The following ITGA8 variants were observed in gnomAD, a reference collection of about 807,000 sequenced individuals.
ITGA8 encodes the protein integrin subunit alpha 8.
In ITGA8, 91 loss-of-function variants were observed where a neutral mutation model predicts 142.3. The ratio of observed to expected loss-of-function variants is 0.64; its 90% confidence interval spans 0.54 to 0.76. ITGA8 has a LOEUF of 0.76. Among genes scored for constraint, ITGA8 ranks in the 30% least tolerant of loss-of-function variants. The pLI is 0.00. For missense variants in ITGA8, 1,406 were observed against 1,327.7 expected (o/e 1.06, Z -0.92); for synonymous variants, 505 against 485.2 (o/e 1.04, Z -0.54).
At chr10:15,585,154 GA>G (rs920014155) in intron 23 of ITGA8, among the ~76,000 whole-genome samples, 5 of 152,108 alleles carry the variant, frequency 3.3e-5, no homozygotes, top group Non-Finnish European at 7.4e-5. Context: ...GGTTTGAATG[GA>G]AAAAAATTAG....
intron 27 of ITGA8, among the ~76,000 whole-genome samples, chr10:15,532,148 C>T (rs193102231): frequency 8.6e-5 from 13 of 151,796 alleles, no homozygotes; most frequent in Admixed American, 6.6e-4. Context: ...TCAAAGATGC[C>T]GGCCGGGCGT....
chr10:15,691,430 T>C (rs1033904445), intron 2 of ITGA8, among the ~76,000 whole-genome samples: 3 of 152,188 alleles, frequency 2.0e-5, no homozygotes, highest in African/African-American at 7.2e-5. Flanking sequence ...AGCCAAGATA[T>C]GGGATCATCT....
intron 13 of ITGA8, among the ~76,000 whole-genome samples, chr10:15,625,478 G>A (rs1833565208): frequency 6.6e-6 from 1 of 152,052 alleles, no homozygotes; most frequent in South Asian, 2.1e-4. Context: ...CCTGGAGGAA[G>A]GTTTATTTCT....
At chr10:15,700,447 T>C (rs930586084) in intron 2 of ITGA8, among the ~76,000 whole-genome samples, 2 of 152,230 alleles carry the variant, frequency 1.3e-5, no homozygotes, top group African/African-American at 4.8e-5. Flanking sequence ...CTTCCCACAG[T>C]GCTTCACTTG....
At chr10:15,575,086 T>C (rs1834258978) in intron 24 of ITGA8, among the ~76,000 whole-genome samples, 1 of 152,152 alleles carries the variant, frequency 6.6e-6, no homozygotes, top group Non-Finnish European at 1.5e-5. Flanking sequence ...AGGCAGTATA[T>C]ACAGCTCGGA....
In ITGA8 at chr10:15,622,639, CA is replaced by C. The variant is rs1218359177; in HGVS notation, c.1400-6081del. On this transcript the variant is annotated intron_variant, in intron 13 of 29. Coordinates refer to ENST00000378076, the MANE Select transcript of ITGA8 (RefSeq NM_003638.3). ...CACATGAGCAAGGCTGAAAGAGAAACAAAAGCAACAGGGTGAAATGTTTATA... is the reference window on the plus strand; with the variant it reads ...CACATGAGCAAGGCTGAAAGAGAAACAAAGCAACAGGGTGAAATGTTTATA... Among the ~76,000 whole-genome samples, 3 of 151,402 alleles carry C rather than the reference CA, an allele frequency of 2.0e-5. No individual in the cohort carries two copies. The East Asian group carries it at 5.8e-4, about 29-fold the overall frequency.
At position 15,719,659 on chromosome 10, in the gene ITGA8, G is replaced by A; in HGVS notation, c.113C>T (p.Ala38Val). 2 of 1,517,460 alleles carry A rather than the reference G, an allele frequency of 1.3e-6. No individual in the cohort carries two copies. The highest frequency in any genetic ancestry group is 1.7e-6 in the Non-Finnish European group (2 of 1,143,044). 94.0% of individuals were successfully genotyped at this position (1,517,460 alleles called of 1,614,324 possible). ...GAGCTTTTCCACGTCCAGGTTGAAC[G>A]CCTGACAGGCGGGGGACCACAGCAA... Reference protein sequence around the residue: ...GMLLWSPACQAFNLDVEKLTV... With the variant: ...GMLLWSPACQVFNLDVEKLTV... Residue 38 changes from alanine (A) to valine (V), a missense_variant, in exon 1 of 30, where the codon GCG (alanine) becomes GTG (valine). Physicochemically the swap from Ala to Val is moderately conservative, Grantham distance 64. Coordinates refer to ENST00000378076, the MANE Select transcript of ITGA8 (RefSeq NM_003638.3).
At chr10:15,684,827 G>A (rs1443258166) in intron 3 of ITGA8, among the ~76,000 whole-genome samples, 2 of 152,144 alleles carry the variant, frequency 1.3e-5, no homozygotes, top group Non-Finnish European at 2.9e-5. Flanking sequence ...TGTCTTATGA[G>A]AACAAGTTCC....
At chr10:15,572,070 A>G in intron 25 of ITGA8, 141 bp downstream of exon 25, 1 of 572,468 alleles carries the variant, frequency 1.7e-6, no homozygotes, top group Non-Finnish European at 2.8e-6. Flanking sequence ...TGTTTTAACT[A>G]TAAAATGAAA....
chr10:15,600,454 G>A (rs1366761782), intron 20 of ITGA8, among the ~76,000 whole-genome samples: 1 of 152,204 alleles, frequency 6.6e-6, no homozygotes, highest in African/African-American at 2.4e-5. Flanking sequence ...AGGGAGCAGA[G>A]TTAGTGTGTT....
intron 21 of ITGA8, among the ~76,000 whole-genome samples, chr10:15,593,124 T>C (rs1469995102): frequency 2.6e-5 from 4 of 152,234 alleles, no homozygotes; most frequent in African/African-American, 9.6e-5. Flanking sequence ...GGATGCGCTA[T>C]AGGAAAACAT....
At chr10:15,529,778 A>T (rs1833253427) in intron 28 of ITGA8, among the ~76,000 whole-genome samples, 1 of 152,240 alleles carries the variant, frequency 6.6e-6, no homozygotes, top group Non-Finnish European at 1.5e-5. Context: ...GAAAGAGATG[A>T]CAATATTATC....
intron 26 of ITGA8, among the ~76,000 whole-genome samples, chr10:15,552,165 C>T (rs1306493736): frequency 2.6e-5 from 4 of 151,290 alleles, no homozygotes; most frequent in Non-Finnish European, 4.4e-5. Context: ...GAGACAGAGT[C>T]TCGCTCCGTC....
intron 8 of ITGA8, among the ~76,000 whole-genome samples, chr10:15,670,242 C>G (rs1336582468): frequency 6.6e-6 from 1 of 152,202 alleles, no homozygotes; most frequent in East Asian, 1.9e-4. Context: ...TGATGATTGA[C>G]TCATTCAATA....
In ITGA8 at chr10:15,696,742, C is replaced by G. The variant is rs12248630; in HGVS notation, c.344-8704G>C. On this transcript the variant is annotated intron_variant, in intron 2 of 29. Coordinates refer to ENST00000378076, the MANE Select transcript of ITGA8 (RefSeq NM_003638.3). ...ACACAGTGGCTCATGCCTGTAATCCCAGCACTTTGGGAGACCAAGGCAGGA... is the reference window on the plus strand; with the variant it reads ...ACACAGTGGCTCATGCCTGTAATCCGAGCACTTTGGGAGACCAAGGCAGGA... Among the ~76,000 whole-genome samples the G allele has an allele frequency of 2.0e-3, 299 of 151,418 alleles. 2 individuals are homozygous for G. Among genetic ancestry groups the G allele is most frequent in the African/African-American group, 7.0e-3 (287 of 41,218 alleles).
intron 2 of ITGA8, among the ~76,000 whole-genome samples, chr10:15,707,000 AC>A (rs1370571634): frequency 6.6e-6 from 1 of 152,006 alleles, no homozygotes; most frequent in Non-Finnish European, 1.5e-5. Context: ...CACTCCTACA[AC>A]CTAGAACATG....
In ITGA8 at chr10:15,630,991, A is replaced by G. The variant is rs1029160977; in HGVS notation, c.1399+13039T>C. 7.9e-5 allele frequency among the ~76,000 whole-genome samples: 12 copies of G among 151,906 alleles called. 1 individual carries two copies. The highest frequency in any genetic ancestry group is 2.9e-4 in the African/African-American group (12 of 41,238). ...CTTCTTTTGAGAAGTGTCTGTTCATATCCTTCATGCACTTTTTGATGGGGT... is the reference window on the plus strand; with the variant it reads ...CTTCTTTTGAGAAGTGTCTGTTCATGTCCTTCATGCACTTTTTGATGGGGT... On this transcript the variant is annotated intron_variant, in intron 13 of 29. Transcript: ENST00000378076.
intron 25 of ITGA8, among the ~76,000 whole-genome samples, chr10:15,571,282 T>C (rs1057326662): frequency 6.6e-6 from 1 of 152,218 alleles, no homozygotes; most frequent in Non-Finnish European, 1.5e-5. Context: ...GCAGACCTGC[T>C]CTGTCTTGGC....
At chr10:15,623,418 G>A (rs1588681465) in intron 13 of ITGA8, among the ~76,000 whole-genome samples, 2 of 152,284 alleles carry the variant, frequency 1.3e-5, no homozygotes, top group South Asian at 2.1e-4. Context: ...AGGCATAGTA[G>A]CTCACGCCTG....
Sources: allele counts gnomAD v4.1 joint callset (sites outside exome capture counted in the v4.1 genomes callset), GRCh38; gene constraint gnomAD v4.1.1; transcripts MANE v1.5; gene names NCBI Gene and HGNC (gene_info 2026-07-23, HGNC 2026-07-21).